The following SLC16A12 variants were observed in gnomAD, a reference collection of about 807,000 sequenced individuals.
SLC16A12 encodes solute carrier family 16 member 12, also known as monocarboxylate transporter 12.
In SLC16A12, 17 loss-of-function variants were observed where a neutral mutation model predicts 42.4. The ratio of observed to expected loss-of-function variants is 0.40; its 90% CI spans 0.27 to 0.60. The LOEUF (loss-of-function observed/expected upper bound fraction) is 0.60. Ranked by LOEUF, SLC16A12 falls within the 20% of genes least tolerant of loss-of-function variation. SLC16A12 has a pLI of 0.42. For synonymous variants in SLC16A12, 224 were observed against 229.4 expected (o/e 0.98, Z 0.21); for missense variants, 544 against 623.0 (o/e 0.87, Z 1.35).
At chr10:89,503,408 G>T (rs191397522) in intron 2 of SLC16A12, among the ~76,000 whole-genome samples, 3 of 152,130 alleles carry the variant, frequency 2.0e-5, no homozygotes, top group Admixed American at 2.0e-4. Context: ...ATTATAAAAG[G>T]TCCCCATAAA....
intron 7 of SLC16A12, among the ~76,000 whole-genome samples, chr10:89,435,639 C>G (rs1287431785): frequency 2.0e-5 from 3 of 152,194 alleles, no homozygotes; most frequent in Non-Finnish European, 2.9e-5. Context: ...GTTCCTCTGT[C>G]TGGCACCCAA....
rs560774384 is a variant in SLC16A12 at position 89,430,469 on chromosome 10, T to C, written c.*2595A>G. 2.6e-6 allele frequency: 1 copy of C among 379,108 alleles called. No homozygotes were observed. Among genetic ancestry groups the C allele is most frequent in the East Asian group, 9.2e-5 (1 of 10,820 alleles). 23.5% of individuals were successfully genotyped at this position (379,108 alleles called of 1,614,324 possible). A position where few individuals can be genotyped will look rare whatever the true frequency, so the allele number is the denominator to read the frequency against. ...TACTCAGATAATTCCAAAGTAGAGC[T>C]TACAGTAGTAGAAAGAAATATTTAA... On this transcript the variant is annotated 3_prime_UTR_variant, in exon 8 of 8. Coordinates refer to ENST00000371790, the MANE Select transcript of SLC16A12 (RefSeq NM_213606.4).
chr10:89,490,485 C>T (rs1809161964), intron 2 of SLC16A12, among the ~76,000 whole-genome samples: 1 of 152,150 alleles, frequency 6.6e-6, no homozygotes, highest in Non-Finnish European at 1.5e-5. Context: ...CCACAACCCC[C>T]TCAATACTTT....
chr10:89,527,209 G>A (rs988672481), intron 2 of SLC16A12, among the ~76,000 whole-genome samples: 16 of 152,140 alleles, frequency 1.1e-4, no homozygotes, highest in Admixed American at 3.3e-4. Context: ...TGAGTAGGGC[G>A]TGGTGGCTCA....
upstream of SLC16A12, among the ~76,000 whole-genome samples, chr10:89,537,448 A>G (rs1419018257): frequency 6.6e-6 from 1 of 152,132 alleles, no homozygotes; most frequent in Admixed American, 6.5e-5. Context: ...ATAAATCTGA[A>G]TTTAAGTCCT....
chr10:89,522,031 A>G (rs1310265658), intron 2 of SLC16A12, among the ~76,000 whole-genome samples: 1 of 152,052 alleles, frequency 6.6e-6, no homozygotes, highest in Non-Finnish European at 1.5e-5. Flanking sequence ...AATGAGAGGC[A>G]GGGCCCAGTC....
rs996828360 is a variant in SLC16A12 at position 89,550,449 on chromosome 10, G to T, written c.-47+5433C>A. Among the ~76,000 whole-genome samples, 29 of 152,314 alleles carry T rather than the reference G, an allele frequency of 1.9e-4. No individual in the cohort carries two copies. The Middle Eastern group carries it at 0.02, about 107-fold the overall frequency. On this transcript the variant is annotated intron_variant, in intron 2 of 2. Coordinates refer to the SLC16A12 transcript ENST00000475682. ...CAGGAGAATCACTTGAATCCGGGAG[G>T]CGGAGGTTGCAGTGAGCTGAGATCG...
chr10:89,441,325 A>T, intron 4 of SLC16A12, 74 bp from the exon 5 acceptor site: 1 of 1,587,060 alleles, frequency 6.3e-7, no homozygotes, highest in Non-Finnish European at 8.6e-7. Context: ...TGTGGCATTG[A>T]CAGAGGAGAG....
intron 4 of SLC16A12, among the ~76,000 whole-genome samples, chr10:89,442,814 T>C (rs563580899): frequency 3.9e-5 from 6 of 152,264 alleles, no homozygotes; most frequent in African/African-American, 1.4e-4. Flanking sequence ...AAAAGAAATA[T>C]GAGTCAGTGC....
chr10:89,491,736 T>G (rs1160149058), intron 2 of SLC16A12, among the ~76,000 whole-genome samples: 1 of 152,176 alleles, frequency 6.6e-6, no homozygotes, highest in Non-Finnish European at 1.5e-5. Context: ...TGACTTAAAA[T>G]GACCCAGAGG....
At chr10:89,516,695 C>T (rs1415618735) in intron 2 of SLC16A12, among the ~76,000 whole-genome samples, 1 of 152,194 alleles carries the variant, frequency 6.6e-6, no homozygotes, top group South Asian at 2.1e-4. Flanking sequence ...GTTTTTGATC[C>T]CCTGATGTCA....
chr10:89,461,367 G>T (rs1842296514), intron 3 of SLC16A12, among the ~76,000 whole-genome samples: 1 of 152,180 alleles, frequency 6.6e-6, no homozygotes, highest in East Asian at 1.9e-4. Flanking sequence ...TAGGTTTTAA[G>T]CTTCCAGGGG....
chr10:89,515,146 A>G (rs1470558336), intron 2 of SLC16A12, among the ~76,000 whole-genome samples: 1 of 151,488 alleles, frequency 6.6e-6, no homozygotes, highest in Non-Finnish European at 1.5e-5. Flanking sequence ...AAAAGAAAAG[A>G]AAAGCGGCCT....
upstream of SLC16A12, among the ~76,000 whole-genome samples, chr10:89,539,917 T>TTTCTTTTTTC: frequency 1.5e-5 from 2 of 136,952 alleles, no homozygotes; most frequent in African/African-American, 5.4e-5. Context: ...TTCTTTTTTC[T>TTTCTTTTTTC]TTTTTTCTTT....
chr10:89,446,749 C>A (rs1320876860), intron 3 of SLC16A12, among the ~76,000 whole-genome samples: 1 of 152,284 alleles, frequency 6.6e-6, no homozygotes, highest in East Asian at 1.9e-4. Flanking sequence ...ATCAAATTCA[C>A]ATACAACATA....
intron 3 of SLC16A12, among the ~76,000 whole-genome samples, chr10:89,448,862 C>T (rs143744232): frequency 0.017 from 2,652 of 152,280 alleles, 80 homozygotes; most frequent in African/African-American, 0.06. Context: ...AAAACCCCAT[C>T]GTCTCAGCCC....
intron 3 of SLC16A12, among the ~76,000 whole-genome samples, chr10:89,460,584 CG>C: frequency 6.6e-6 from 1 of 151,638 alleles, no homozygotes; most frequent in Admixed American, 6.6e-5. Context: ...ATTAGCCAGG[CG>C]TAATTTTTGT....
intron 2 of SLC16A12, among the ~76,000 whole-genome samples, chr10:89,481,203 C>T (rs1205862820): frequency 1.3e-5 from 2 of 152,048 alleles, no homozygotes; most frequent in African/African-American, 4.8e-5. Flanking sequence ...ATGAATGCAC[C>T]AAAATAGAAA....
chr10:89,536,028 G>T (rs1338445821), upstream of SLC16A12, among the ~76,000 whole-genome samples: 1 of 152,244 alleles, frequency 6.6e-6, no homozygotes, highest in South Asian at 2.1e-4. Context: ...GGCTAGGGGC[G>T]AGGGGCGCAG....
Sources: gnomAD v4.1 joint callset for allele counts (sites outside exome capture counted in the v4.1 genomes callset) on GRCh38, gnomAD v4.1.1 for gene constraint, MANE v1.5 for transcripts, NCBI Gene and HGNC (gene_info 2026-07-23, HGNC 2026-07-21) for gene names.